Variants in ADAMTS17 observed in about 807,000 individuals in gnomAD.
ADAMTS17 encodes A disintegrin and metalloproteinase with thrombospondin motifs 17.
Under a neutral mutation model 141.5 loss-of-function variants are expected in ADAMTS17, and 113 were observed. The observed-to-expected ratio is 0.80, with a 90% confidence interval of 0.69 to 0.93. The LOEUF is 0.93. ADAMTS17 is among the 40% of genes least tolerant of loss of function. The pLI is 0.00. For missense variants in ADAMTS17, 1,659 were observed against 1,517.9 expected, an observed-to-expected ratio of 1.09 and a Z score of -1.54; for synonymous variants, 768 against 630.6, an observed-to-expected ratio of 1.22 and a Z score of -3.27.
intron 7 of ADAMTS17, among the ~76,000 whole-genome samples, chr15:100,251,831 C>G: frequency 6.6e-6 from 1 of 152,272 alleles, no homozygotes; most frequent in Middle Eastern, 3.4e-3. Context: ...GGAGAGAGAA[C>G]AGGCAGGTGC....
At chr15:100,216,151 G>A (rs1197708961) in intron 7 of ADAMTS17, among the ~76,000 whole-genome samples, 1 of 152,182 alleles carries the variant, frequency 6.6e-6, no homozygotes, top group Non-Finnish European at 1.5e-5. Context: ...CCTTTTGTAA[G>A]ATGAGATGAA....
At chr15:100,195,613 CAAAAAAAAA>C (rs71287815) in intron 8 of ADAMTS17, among the ~76,000 whole-genome samples, 29 of 63,646 alleles carry the variant, frequency 4.6e-4, no homozygotes, top group African/African-American at 1.5e-3. Context: ...TGTTTGGTCT[CAAAAAAAAA>C]AAAAAAAAAA....
intron 18 of ADAMTS17, among the ~76,000 whole-genome samples, chr15:100,044,957 G>A (rs573445818): frequency 9.2e-5 from 14 of 152,084 alleles, no homozygotes; most frequent in African/African-American, 3.1e-4. Flanking sequence ...ACAGGTGCAC[G>A]CCACCATGCC....
intron 17 of ADAMTS17, among the ~76,000 whole-genome samples, chr15:100,050,606 T>C (rs915134203): frequency 2.0e-5 from 3 of 152,236 alleles, no homozygotes; most frequent in Non-Finnish European, 4.4e-5. Context: ...AAAAATGGGA[T>C]GAATCCCTTA....
intron 4 of ADAMTS17, among the ~76,000 whole-genome samples, chr15:100,275,056 C>T (rs1251179552): frequency 6.6e-6 from 1 of 152,120 alleles, no homozygotes; most frequent in Admixed American, 6.5e-5. Context: ...AAAGAGCAGG[C>T]TTTTATGTTG....
At chr15:100,102,113 T>C (rs1364405423) in intron 14 of ADAMTS17, among the ~76,000 whole-genome samples, 1 of 152,240 alleles carries the variant, frequency 6.6e-6, no homozygotes, top group African/African-American at 2.4e-5. Flanking sequence ...GCTTGCTTGA[T>C]AGTTTGGCTG....
intron 15 of ADAMTS17, among the ~76,000 whole-genome samples, chr15:100,088,748 C>T (rs1596389856): frequency 6.6e-6 from 1 of 152,124 alleles, no homozygotes; most frequent in Admixed American, 6.6e-5. Context: ...GAAAGGATTC[C>T]CTATTTAATT....
At chr15:100,181,798 C>A (rs1376946384) in intron 8 of ADAMTS17, among the ~76,000 whole-genome samples, 3 of 152,234 alleles carry the variant, frequency 2.0e-5, no homozygotes, top group Non-Finnish European at 4.4e-5. Flanking sequence ...AGGGGTGGCA[C>A]AAGCACTCCC....
chr15:100,140,508 T>TATATATATATATATATATATATATATA (rs61080608), intron 10 of ADAMTS17, among the ~76,000 whole-genome samples: 30 of 139,612 alleles, frequency 2.1e-4, no homozygotes, highest in Non-Finnish European at 3.0e-4. Flanking sequence ...TATATATATA[T>TATATATATATATATATATATATATATA]CCAGTAAAGA....
chr15:100,144,316 C>G (rs2038796592), intron 10 of ADAMTS17, among the ~76,000 whole-genome samples: 1 of 152,150 alleles, frequency 6.6e-6, no homozygotes, highest in Non-Finnish European at 1.5e-5. Flanking sequence ...CTTTGGGAGG[C>G]TGAGGCGGGT....
chr15:100,227,140 T>A (rs2042335593), intron 7 of ADAMTS17, among the ~76,000 whole-genome samples: 1 of 152,026 alleles, frequency 6.6e-6, no homozygotes, highest in Non-Finnish European at 1.5e-5. Context: ...GAGTGCCCCC[T>A]CAGCCAGATC....
chr15:100,202,552 G>A (rs1286933674), intron 7 of ADAMTS17, among the ~76,000 whole-genome samples: 5 of 152,206 alleles, frequency 3.3e-5, no homozygotes, highest in Non-Finnish European at 5.9e-5. Context: ...AAAATCCCAG[G>A]TTGTTGTAAA....
chr15:99,997,999 T>C lies in ADAMTS17; in HGVS notation c.2592-410A>G, dbSNP rs116368558. On this transcript the variant is annotated intron_variant, in intron 18 of 21. Transcript: ENST00000268070. This position sits in a 1 kb window ranked among gnomAD's most constrained non-coding sequence, Gnocchi z 4.7. ...TTTGGCTCTGATTCTCTTTACTTCT[T>C]ACCCTCTGCTGGGAGAACAGTCCCA... Among the ~76,000 whole-genome samples, 1,292 of 152,308 alleles carry C rather than the reference T, an allele frequency of 8.5e-3. 24 individuals are homozygous for C. Among genetic ancestry groups the C allele is most frequent in the African/African-American group, 0.029 (1,218 of 41,580 alleles).
chr15:100,237,574 G>A (rs2042697588), intron 7 of ADAMTS17, among the ~76,000 whole-genome samples: 3 of 152,214 alleles, frequency 2.0e-5, no homozygotes, highest in Admixed American at 1.3e-4. Context: ...CCGTGGGGAA[G>A]ACACTGCTGT....
chr15:100,119,061 CAGAG>C (rs1555455155), intron 12 of ADAMTS17, among the ~76,000 whole-genome samples: 2 of 151,938 alleles, frequency 1.3e-5, no homozygotes, highest in Admixed American at 6.6e-5. Context: ...CACACACACA[CAGAG>C]ACAGGCAGAG....
intron 18 of ADAMTS17, among the ~76,000 whole-genome samples, chr15:100,019,989 C>T (rs2061372143): frequency 1.2e-5 from 1 of 84,900 alleles, no homozygotes; most frequent in Non-Finnish European, 2.4e-5. Flanking sequence ...GCCTCTTGTC[C>T]TAAGATTTGG....
intron 12 of ADAMTS17, among the ~76,000 whole-genome samples, chr15:100,131,490 C>T (rs970719222): frequency 6.6e-6 from 1 of 151,532 alleles, no homozygotes; most frequent in East Asian, 1.9e-4. Context: ...CAAAGGTGAA[C>T]AGGAAAGGTC....
At chr15:100,050,022 T>G (rs776111610) in intron 17 of ADAMTS17, among the ~76,000 whole-genome samples, 15 of 152,194 alleles carry the variant, frequency 9.9e-5, no homozygotes, top group Non-Finnish European at 1.5e-4. Flanking sequence ...ACTATTTGGA[T>G]CCTGGGCTCC....
intron 7 of ADAMTS17, among the ~76,000 whole-genome samples, chr15:100,212,392 C>T (rs1036621478): frequency 6.6e-6 from 1 of 152,190 alleles, no homozygotes; most frequent in Non-Finnish European, 1.5e-5. Context: ...ATTCAAAGTC[C>T]AGGGAGTTTC....
Sources: allele counts gnomAD v4.1 joint callset (sites outside exome capture counted in the v4.1 genomes callset), GRCh38; gene constraint gnomAD v4.1.1; non-coding constraint Gnocchi (gnomAD v3.1); transcripts MANE v1.5; gene names NCBI Gene and HGNC (gene_info 2026-07-23, HGNC 2026-07-21).